ZBBX: variants seen among roughly 807,000 people sequenced by gnomAD.
ZBBX encodes the protein zinc finger B-box domain containing, also known as zinc finger B-box domain-containing protein 1.
ZBBX carries 101 observed loss-of-function variants against 108.5 expected under a neutral mutation model. The observed-to-expected ratio is 0.93, with a 90% CI of 0.79 to 1.10. The LOEUF (loss-of-function observed/expected upper bound fraction) is 1.10, where lower values mean the gene tolerates loss of function less well. Ranked by LOEUF, ZBBX falls within the 50% of genes least tolerant of loss-of-function variation. ZBBX has a pLI of 0.00. For synonymous variants in ZBBX, 356 were observed against 323.4 expected (o/e 1.10, Z -1.08); for missense variants, 1,009 against 941.4 (o/e 1.07, Z -0.94).
chr3:167,296,503 T>G (rs7624001), intron 18 of ZBBX, among the ~76,000 whole-genome samples: 1 of 151,758 alleles, frequency 6.6e-6, no homozygotes, highest in East Asian at 1.9e-4. Context: ...CACAAAAATA[T>G]GTTAGAATAA....
At chr3:167,377,792 T>C (rs780308928) in intron 2 of ZBBX, among the ~76,000 whole-genome samples, 1 of 152,164 alleles carries the variant, frequency 6.6e-6, no homozygotes, top group Non-Finnish European at 1.5e-5. Flanking sequence ...CACATTCTCA[T>C]AGCAAAAGCT....
At chr3:167,383,016 A>C (rs187815768), upstream of ZBBX, among the ~76,000 whole-genome samples, 10 of 152,266 alleles carry the variant, frequency 6.6e-5, no homozygotes, top group Admixed American at 6.5e-4. Context: ...CAGCTTTACC[A>C]TTCTAATAAT....
At chr3:167,373,261 A>T (rs1180926604) in intron 3 of ZBBX, among the ~76,000 whole-genome samples, 1 of 152,238 alleles carries the variant, frequency 6.6e-6, no homozygotes, top group African/African-American at 2.4e-5. Flanking sequence ...TGTGTAGGCT[A>T]TATGCAAATA....
At chr3:167,278,669 G>C (rs1164078120) in intron 20 of ZBBX, among the ~76,000 whole-genome samples, 5 of 151,450 alleles carry the variant, frequency 3.3e-5, no homozygotes, top group Non-Finnish European at 7.4e-5. Context: ...TCTACCAGAG[G>C]TACAAGGAGG....
chr3:167,403,423 G>A (rs1748487712), intron 1 of ZBBX, among the ~76,000 whole-genome samples: 1 of 152,036 alleles, frequency 6.6e-6, no homozygotes, highest in Admixed American at 6.6e-5. Flanking sequence ...TGCACTATAA[G>A]AAATGTCAAA....
chr3:167,244,607 A>C (rs1383060955), intron 20 of ZBBX, among the ~76,000 whole-genome samples: 2 of 152,232 alleles, frequency 1.3e-5, no homozygotes, highest in Non-Finnish European at 2.9e-5. Flanking sequence ...AGAAAAATCA[A>C]GGCAGAGAAA....
intron 20 of ZBBX, among the ~76,000 whole-genome samples, chr3:167,251,604 C>T (rs1034906665): frequency 6.6e-6 from 1 of 152,136 alleles, no homozygotes; most frequent in Admixed American, 6.5e-5. Context: ...TATAACTTAA[C>T]AGTTTTTTGA....
At chr3:167,406,478 T>G (rs1020980377) in intron 1 of ZBBX, among the ~76,000 whole-genome samples, 1 of 152,140 alleles carries the variant, frequency 6.6e-6, no homozygotes, top group Admixed American at 6.5e-5. Flanking sequence ...CCCAACACTT[T>G]GGGAGGCCAA....
At chr3:167,246,471 C>A (rs991638070) in intron 20 of ZBBX, among the ~76,000 whole-genome samples, 18 of 152,136 alleles carry the variant, frequency 1.2e-4, no homozygotes, top group African/African-American at 4.8e-5. Context: ...GACAGTATGG[C>A]CTATTGTCTA....
At chr3:167,400,795 G>A (rs1162384191) in intron 1 of ZBBX, among the ~76,000 whole-genome samples, 1 of 152,102 alleles carries the variant, frequency 6.6e-6, no homozygotes, top group Non-Finnish European at 1.5e-5. Flanking sequence ...CCAGAAAAGC[G>A]GGCCAACTCC....
At chr3:167,255,789 G>A (rs901804810) in intron 20 of ZBBX, among the ~76,000 whole-genome samples, 3 of 151,934 alleles carry the variant, frequency 2.0e-5, no homozygotes, top group African/African-American at 4.8e-5. Flanking sequence ...CAGGCATTAC[G>A]CTTTTGTGTT....
upstream of ZBBX, among the ~76,000 whole-genome samples, chr3:167,383,023 T>A (rs1747800094): frequency 6.6e-6 from 1 of 152,196 alleles, no homozygotes; most frequent in African/African-American, 2.4e-5. Flanking sequence ...ACCATTCTAA[T>A]AATTCCGTCC....
intron 9 of ZBBX, among the ~76,000 whole-genome samples, chr3:167,337,331 A>G (rs1577033945): frequency 6.6e-6 from 1 of 152,200 alleles, no homozygotes; most frequent in East Asian, 1.9e-4. Flanking sequence ...CAACCTGGCT[A>G]AAATTGTGAA....
chr3:167,313,869 T>A (rs539387496), intron 16 of ZBBX, 105 bp downstream of exon 16: 2 of 1,061,348 alleles, frequency 1.9e-6, no homozygotes, highest in East Asian at 2.8e-5. Flanking sequence ...AGTACTGAGG[T>A]TTTTTTGGTT....
intron 13 of ZBBX, 97 bp downstream of exon 13, chr3:167,317,391 T>C (rs1735642470): frequency 1.1e-6 from 1 of 871,256 alleles, no homozygotes; most frequent in South Asian, 2.0e-5. Context: ...CTGAGAATAA[T>C]ATATTAAAGA....
At chr3:167,341,802 T>C (rs1740576156) in intron 9 of ZBBX, among the ~76,000 whole-genome samples, 1 of 152,080 alleles carries the variant, frequency 6.6e-6, no homozygotes, top group South Asian at 2.1e-4. Flanking sequence ...AGAAATTGTA[T>C]ATGCAATGAA....
the ZBBX span, among the ~76,000 whole-genome samples, chr3:167,185,616 T>A: frequency 3.3e-4 from 51 of 152,298 alleles, no homozygotes; most frequent in East Asian, 5.2e-3. Context: ...AGATTATCTT[T>A]CAGCTTTTTG....
rs538058642 is a variant in ZBBX, at chr3:167,376,107, C to T, written c.-131-2320G>A. 3.9e-5 allele frequency among the ~76,000 whole-genome samples: 6 copies of T among 152,258 alleles called. No individual in the cohort carries two copies. In the East Asian group the frequency reaches 1.2e-3, roughly 29 times the overall value. ...CGTCTCACTCAGACTCAATTTTCAA[C>T]CACCAAGTCCTGTCTCTCAAAGCTA... is the stretch of plus-strand genomic sequence containing the variant. On this transcript the variant is annotated intron_variant, in intron 2 of 21. Transcript: ENST00000675490.
intron 1 of ZBBX, among the ~76,000 whole-genome samples, chr3:167,401,836 C>T (rs747371650): frequency 3.3e-5 from 5 of 152,176 alleles, no homozygotes; most frequent in Admixed American, 6.5e-5. Flanking sequence ...CTGTTCTAGA[C>T]GGAGTTGCTC....
Sources: allele counts gnomAD v4.1 joint callset (sites outside exome capture counted in the v4.1 genomes callset), GRCh38; gene constraint gnomAD v4.1.1; transcripts MANE v1.5; gene names NCBI Gene and HGNC (gene_info 2026-07-23, HGNC 2026-07-21).